ZNF880: variants seen among roughly 807,000 people sequenced by gnomAD.
ZNF880 encodes the protein zinc finger protein 880, also known as zinc finger protein LOC400713.
In ZNF880, 12 loss-of-function variants were observed where a neutral mutation model predicts 11.8. The ratio of observed to expected loss-of-function variants is 1.02; its 90% CI spans 0.65 to 1.65. ZNF880 has a LOEUF of 1.65. Among genes scored for constraint, ZNF880 ranks in the 40% most tolerant of loss-of-function variants. ZNF880 has a pLI of 0.00. For synonymous variants in ZNF880, 210 were observed against 232.4 expected, an observed-to-expected ratio of 0.90 and a Z score of 0.88; for missense variants, 601 against 673.9, an observed-to-expected ratio of 0.89 and a Z score of 1.20.
downstream of ZNF880, among the ~76,000 whole-genome samples, chr19:52,386,035 CATGG>C (rs1243472396): frequency 1.6e-4 from 23 of 142,272 alleles, 2 homozygotes; most frequent in South Asian, 3.3e-3. Context: ...ATTAGCCAGG[CATGG>C]TGGCAGACGC....
chr19:52,394,626 AT>A, the ZNF880 span, among the ~76,000 whole-genome samples: 1 of 152,100 alleles, frequency 6.6e-6, no homozygotes, highest in Admixed American at 6.5e-5. Flanking sequence ...TTTTTTTGGA[AT>A]TTTCTACATA....
At position 52,374,383 on chromosome 19, in the gene ZNF880, C is replaced by A; in HGVS notation, c.224C>A (p.Ala75Glu). The A allele has an allele frequency of 6.2e-7, 1 of 1,613,082 alleles. No homozygotes were observed. Among genetic ancestry groups the A allele is most frequent in the Non-Finnish European group, 8.5e-7 (1 of 1,179,582 alleles). The change falls in exon 3 of 4, where the codon GCA becomes GAA. Residue 75 changes from alanine to glutamate, a missense_variant. Physicochemically the swap from Ala to Glu is moderately radical, Grantham distance 107. This residue lies in a region of ZNF880 where 420 missense variants were observed against 442.6 expected (regional missense o/e 0.95). Coordinates refer to ENST00000422689, the MANE Select transcript of ZNF880 (RefSeq NM_001145434.2). ...AATCTGCAGAGTGAAGTGAAAATAG[C>A]AAACAATCCAGGTGGCAGGGAGTGC... is the stretch of plus-strand genomic sequence containing the variant. Reference protein sequence around the residue: ...PRNLQSEVKIANNPGGRECIK... With the variant: ...PRNLQSEVKIENNPGGRECIK...
chr19:52,386,757 G>T (rs12977007), downstream of ZNF880, among the ~76,000 whole-genome samples: 1 of 128,512 alleles, frequency 7.8e-6, no homozygotes, highest in Non-Finnish European at 1.6e-5. Context: ...AGCCAAGATC[G>T]CACCATTGCA....
chr19:52,368,003 A>G (rs886937323), upstream of ZNF880, among the ~76,000 whole-genome samples: 1 of 151,864 alleles, frequency 6.6e-6, no homozygotes, highest in African/African-American at 2.4e-5. Flanking sequence ...GATTGAGGCC[A>G]TCCTGGTCAA....
chr19:52,369,883 AC>A, upstream of ZNF880: 1 of 1,535,836 alleles, frequency 6.5e-7, no homozygotes, highest in Non-Finnish European at 8.8e-7. Context: ...GCCCAATCCC[AC>A]CCGGGCCTGG....
At chr19:52,386,802 CA>C (rs71180452), downstream of ZNF880, among the ~76,000 whole-genome samples, 29,756 of 79,822 alleles carry the variant, frequency 0.37, 4,582 homozygotes, top group South Asian at 0.49. Flanking sequence ...AACTCTGTCT[CA>C]AAAAAAAAAA....
Position 52,374,296 on chromosome 19 carries a change from T to C in ZNF880, c.140-3T>C. 6.2e-7 allele frequency: 1 copy of C among 1,611,900 alleles called. No homozygotes were observed. The highest frequency in any genetic ancestry group is 8.5e-7 in the Non-Finnish European group (1 of 1,179,200). ...TCTTGATATTCTTTCTTTTTTTAAA[T>C]AGGAATCTGTCTTCCTGACCTGAGT... On this transcript the variant is annotated splice_polypyrimidine_tract_variant and splice_region_variant and intron_variant, in intron 2 of 3. Transcript: ENST00000422689.
chr19:52,372,106 T>C (rs1448289171), intron 1 of ZNF880, among the ~76,000 whole-genome samples: 1 of 151,180 alleles, frequency 6.6e-6, no homozygotes, highest in East Asian at 2.0e-4. Flanking sequence ...GAAGAATCAC[T>C]TGAACCTGGG....
At chr19:52,389,180 T>A (rs971226839), downstream of ZNF880, 2 of 152,160 alleles carry the variant, frequency 1.3e-5, no homozygotes, top group Non-Finnish European at 2.9e-5. Flanking sequence ...AAATCTCATG[T>A]CCTCACATTT....
chr19:52,392,691 A>G, the ZNF880 span: 10 of 227,620 alleles, frequency 4.4e-5, no homozygotes, highest in South Asian at 8.6e-4. Flanking sequence ...TATTATCTCT[A>G]TGTGGGAGCA....
intron 1 of ZNF880, among the ~76,000 whole-genome samples, chr19:52,372,350 C>G (rs2122347568): frequency 6.8e-6 from 1 of 146,870 alleles, no homozygotes; most frequent in East Asian, 2.2e-4. Context: ...TGCAGTGGCA[C>G]CATCTCGGCT....
intron 1 of ZNF880, among the ~76,000 whole-genome samples, chr19:52,372,362 ACTGCAAGCTC>A (rs1471050710): frequency 2.6e-4 from 37 of 142,306 alleles, no homozygotes; most frequent in African/African-American, 9.6e-4. Context: ...ATCTCGGCTC[ACTGCAAGCTC>A]CGCCTCCCAG....
chr19:52,383,924 A>G lies in ZNF880; in HGVS notation c.344A>G (p.His115Arg). The change falls in exon 4 of 4, where the codon CAT becomes CGT. Residue 115 changes from histidine (H) to arginine (R), a missense_variant. By Grantham distance (29) the His-to-Arg change is conservative. Coordinates refer to ENST00000422689, the MANE Select transcript of ZNF880 (RefSeq NM_001145434.2). ...CAACTTGGATTAACCTTTCAGTTAC[A>G]TCTGAGTGAACTGCAGCTATTTCAA... ...KNQLGLTFQLHLSELQLFQAE... is the reference protein window; with the variant it reads ...KNQLGLTFQLRLSELQLFQAE... 1 of 1,561,324 alleles carries G rather than the reference A, an allele frequency of 6.4e-7. No individual in the cohort carries two copies. Among genetic ancestry groups the G allele is most frequent in the Non-Finnish European group, 8.7e-7 (1 of 1,151,978 alleles).
At chr19:52,383,336 T>A (rs1225338171) in intron 3 of ZNF880, among the ~76,000 whole-genome samples, 1 of 152,218 alleles carries the variant, frequency 6.6e-6, no homozygotes, top group East Asian at 1.9e-4. Flanking sequence ...TTAGCCATAT[T>A]TCCCTGTCCT....
chr19:52,388,249 T>A (rs1402276138), downstream of ZNF880, among the ~76,000 whole-genome samples: 1 of 146,768 alleles, frequency 6.8e-6, no homozygotes, highest in Admixed American at 7.0e-5. Flanking sequence ...AAACTTCATA[T>A]ACTTCCCCTT....
At chr19:52,386,276 G>A (rs1037689769), downstream of ZNF880, among the ~76,000 whole-genome samples, 2 of 143,348 alleles carry the variant, frequency 1.4e-5, no homozygotes, top group Non-Finnish European at 3.0e-5. Flanking sequence ...AGGACACTGC[G>A]TTTTCTTATT....
At chr19:52,369,561 C>T (rs1986287219), upstream of ZNF880, among the ~76,000 whole-genome samples, 1 of 151,680 alleles carries the variant, frequency 6.6e-6, no homozygotes, top group South Asian at 2.1e-4. Flanking sequence ...ATTTATTAGG[C>T]GCAAGGTTTC....
chr19:52,380,685 TC>T (rs1459106695), intron 3 of ZNF880, among the ~76,000 whole-genome samples: 2 of 152,202 alleles, frequency 1.3e-5, no homozygotes, highest in Non-Finnish European at 2.9e-5. Flanking sequence ...TCTTTCTTGT[TC>T]CGTTGTTTTA....
At chr19:52,375,085 GT>G (rs1302919064) in intron 3 of ZNF880, among the ~76,000 whole-genome samples, 3 of 150,212 alleles carry the variant, frequency 2.0e-5, no homozygotes, top group African/African-American at 4.9e-5. Context: ...TGTGTTCTTT[GT>G]TTTTGGCGTT....
Sources: gnomAD v4.1 joint callset for allele counts (sites outside exome capture counted in the v4.1 genomes callset) on GRCh38, gnomAD v4.1.1 for gene constraint, gnomAD v4.1.1 regional missense constraint, MANE v1.5 for transcripts, NCBI Gene and HGNC (gene_info 2026-07-23, HGNC 2026-07-21) for gene names.